The following AK7 variants were observed in gnomAD, a reference collection of about 807,000 sequenced individuals.
The protein encoded by AK7 is adenylate kinase 7, also known as ATP-AMP transphosphorylase 7.
A neutral mutation model predicts 96.6 loss-of-function variants in AK7; 78 were observed. The ratio of observed to expected loss-of-function variants is 0.81; its 90% confidence interval spans 0.67 to 0.97. The LOEUF is 0.97. Ranked by LOEUF, AK7 falls within the 50% of genes least tolerant of loss-of-function variation. AK7 has a pLI of 0.00. For missense variants in AK7, 855 were observed against 887.9 expected (o/e 0.96, Z 0.47); for synonymous variants, 302 against 317.2 (o/e 0.95, Z 0.51).
rs753059423 is a variant in AK7 at position 96,472,109 on chromosome 14, T to C, written c.1486+503T>C. On this transcript the variant is annotated intron_variant, in intron 13 of 17. Transcript: ENST00000267584. ...CATGTAGCATTTGTCTTTCTGTCAC[T>C]GATTTCACTTAGCATAATGTCCTCA... Among the ~76,000 whole-genome samples the C allele has an allele frequency of 4.1e-4, 63 of 152,296 alleles. 1 individual carries two copies. Among genetic ancestry groups the C allele is most frequent in the Middle Eastern group, 6.8e-3 (2 of 294 alleles).
chr14:96,419,634 T>C (rs1234961947), intron 4 of AK7, among the ~76,000 whole-genome samples: 1 of 151,822 alleles, frequency 6.6e-6, no homozygotes, highest in East Asian at 1.9e-4. Flanking sequence ...GCCCTGTCTC[T>C]ACCAAAAAAA....
intron 8 of AK7, among the ~76,000 whole-genome samples, chr14:96,448,065 G>C (rs751364811): frequency 6.6e-6 from 1 of 150,814 alleles, no homozygotes; most frequent in Non-Finnish European, 1.5e-5. Flanking sequence ...GGAGGCAGAG[G>C]TTGCAGTGAG....
chr14:96,450,752 G>A (rs2140110985), intron 9 of AK7, among the ~76,000 whole-genome samples: 1 of 149,698 alleles, frequency 6.7e-6, no homozygotes, highest in East Asian at 2.0e-4. Flanking sequence ...TCAAAGGTCA[G>A]AGGGAATATT....
At chr14:96,411,510 CA>C (rs553019838) in intron 4 of AK7, among the ~76,000 whole-genome samples, 56 of 139,076 alleles carry the variant, frequency 4.0e-4, no homozygotes, top group Admixed American at 4.3e-4. Flanking sequence ...GGCCCTGTCT[CA>C]AAAAAAAAAA....
chr14:96,421,359 T>G (rs1196255261), intron 5 of AK7: 1 of 157,336 alleles, frequency 6.4e-6, no homozygotes, highest in Non-Finnish European at 1.4e-5. Context: ...TAACTAGGAT[T>G]TACTGAGCAC....
chr14:96,432,342 T>C (rs1473599522), intron 5 of AK7, among the ~76,000 whole-genome samples: 3 of 150,868 alleles, frequency 2.0e-5, no homozygotes, highest in Non-Finnish European at 4.4e-5. Context: ...CCTTATCCAA[T>C]TTGCCAGTCT....
chr14:96,452,767 A>G (rs991435594), intron 10 of AK7, among the ~76,000 whole-genome samples: 1 of 151,898 alleles, frequency 6.6e-6, no homozygotes, highest in Non-Finnish European at 1.5e-5. Context: ...CAAGTGCCTC[A>G]GCCTCCTGAG....
intron 2 of AK7, among the ~76,000 whole-genome samples, chr14:96,402,401 A>G (rs1890468179): frequency 1.3e-5 from 2 of 152,186 alleles, no homozygotes; most frequent in Admixed American, 6.5e-5. Context: ...AGAGCCAACC[A>G]TAATTTGACA....
At chr14:96,444,919 T>C (rs112022428) in intron 7 of AK7, among the ~76,000 whole-genome samples, 12 of 152,166 alleles carry the variant, frequency 7.9e-5, no homozygotes, top group Admixed American at 7.2e-4. Context: ...GGTTTCACCA[T>C]GTTGGTCAGG....
At chr14:96,461,769 A>T (rs920000116) in intron 12 of AK7, among the ~76,000 whole-genome samples, 1 of 152,108 alleles carries the variant, frequency 6.6e-6, no homozygotes, top group East Asian at 1.9e-4. Flanking sequence ...TATTTTTAGT[A>T]GAGACGGGGT....
Position 96,488,504 on chromosome 14 carries a change from G to T in AK7, c.*161G>T. On this transcript the variant is annotated 3_prime_UTR_variant, in exon 18 of 18. Coordinates refer to ENST00000267584, the MANE Select transcript of AK7 (RefSeq NM_152327.5). ...ATCTCTATTAAAAGCTATATGACAT[G>T]ACTATGTCATTAAAACTATATTTGA... The T allele has an allele frequency of 1.8e-6, 1 of 553,838 alleles. No homozygotes were observed. The highest frequency in any genetic ancestry group is 3.0e-5 in the South Asian group (1 of 33,890). 34.3% of individuals were successfully genotyped at this position (553,838 alleles called of 1,614,324 possible). A position where few individuals can be genotyped will look rare whatever the true frequency, so the allele number is the denominator to read the frequency against.
intron 6 of AK7, among the ~76,000 whole-genome samples, chr14:96,438,996 C>T (rs1374601600): frequency 2.0e-5 from 3 of 152,082 alleles, no homozygotes; most frequent in Admixed American, 2.0e-4. Flanking sequence ...TATGGCACTG[C>T]CACTTATTGA....
intron 10 of AK7, among the ~76,000 whole-genome samples, chr14:96,455,376 T>G (rs1463464778): frequency 6.6e-6 from 1 of 151,946 alleles, no homozygotes; most frequent in Non-Finnish European, 1.5e-5. Flanking sequence ...TCCCAGATAC[T>G]TGTGAGGCTG....
intron 14 of AK7, among the ~76,000 whole-genome samples, chr14:96,477,638 A>G (rs773132525): frequency 5.3e-5 from 8 of 152,244 alleles, no homozygotes; most frequent in Non-Finnish European, 1.0e-4. Flanking sequence ...CTGCTTTCAC[A>G]GTTTAAAAGA....
At chr14:96,424,288 G>A (rs1057069236) in intron 5 of AK7, 1 of 411,234 alleles carries the variant, frequency 2.4e-6, no homozygotes, top group Non-Finnish European at 4.4e-6. Flanking sequence ...GGCGACACGG[G>A]GGTCTCCGCC....
intron 7 of AK7, among the ~76,000 whole-genome samples, chr14:96,444,716 C>CTT (rs543549862): frequency 2.8e-5 from 4 of 144,874 alleles, no homozygotes; most frequent in Non-Finnish European, 4.6e-5. Flanking sequence ...GTTATCTTTC[C>CTT]TTTTTTTTTT....
rs764305220 is a variant in AK7, at chr14:96,398,066, T to C, written c.106-9T>C. The stretch of plus-strand genomic sequence containing the variant: ...TCTTACCATTTGGGAAATTTCTGTT[T>C]CCTTGCAGTTTCTATCTAACTGTGT... On this transcript the variant is annotated splice_polypyrimidine_tract_variant and intron_variant, in intron 1 of 17. Coordinates refer to ENST00000267584, the MANE Select transcript of AK7 (RefSeq NM_152327.5). The C allele has an allele frequency of 1.2e-6, 2 of 1,610,576 alleles. No individual in the cohort carries two copies. The highest frequency in any genetic ancestry group is 2.2e-5 in the East Asian group (1 of 44,862).
intron 3 of AK7, among the ~76,000 whole-genome samples, chr14:96,405,302 C>A (rs1890645379): frequency 6.6e-6 from 1 of 152,086 alleles, no homozygotes; most frequent in African/African-American, 2.4e-5. Context: ...CCTGCCTCAG[C>A]CTCTTGAGTA....
chr14:96,406,876 G>A (rs1006756755), intron 3 of AK7, among the ~76,000 whole-genome samples: 2 of 152,062 alleles, frequency 1.3e-5, no homozygotes, highest in African/African-American at 4.8e-5. Flanking sequence ...ACAAAGTCTA[G>A]CTATGTTGCC....
Sources: gnomAD v4.1 joint callset for allele counts (sites outside exome capture counted in the v4.1 genomes callset) on GRCh38, gnomAD v4.1.1 for gene constraint, MANE v1.5 for transcripts, NCBI Gene and HGNC (gene_info 2026-07-23, HGNC 2026-07-21) for gene names.